The following RBBP8 variants were observed in gnomAD, a reference collection of about 807,000 sequenced individuals.
RBBP8 encodes the protein DNA endonuclease RBBP8.
In RBBP8, 88 loss-of-function variants were observed where a neutral mutation model predicts 108.3. That is an observed-to-expected ratio of 0.81 (90% CI 0.68 to 0.97). The LOEUF (loss-of-function observed/expected upper bound fraction) is 0.97. Ranked by LOEUF, RBBP8 falls within the 50% of genes least tolerant of loss-of-function variation. The probability of loss-of-function intolerance (pLI) is 0.00; values close to 1 mark genes in which losing one functional copy is unlikely to be tolerated. For missense variants in RBBP8, 1,023 were observed against 1,049.0 expected (o/e 0.98, Z 0.34); for synonymous variants, 332 against 348.2 (o/e 0.95, Z 0.52).
chr18:22,953,927 G>A (rs1214441047), intron 4 of RBBP8, among the ~76,000 whole-genome samples: 1 of 152,006 alleles, frequency 6.6e-6, no homozygotes, highest in African/African-American at 2.4e-5. Context: ...ATGATGGCAG[G>A]AAGAAGTGCC....
At chr18:22,996,176 T>A (rs1239164723) in intron 12 of RBBP8, among the ~76,000 whole-genome samples, 198 bp from the exon 13 acceptor site, 4 of 152,224 alleles carry the variant, frequency 2.6e-5, no homozygotes, top group Non-Finnish European at 5.9e-5. Flanking sequence ...TCTATTTAGA[T>A]CCTTTGCCCA....
intron 4 of RBBP8, among the ~76,000 whole-genome samples, chr18:22,966,944 C>CTT (rs1567965955): frequency 6.6e-6 from 1 of 152,106 alleles, no homozygotes; most frequent in Non-Finnish European, 1.5e-5. Context: ...AGGCTGGTCT[C>CTT]TTAACACCTG....
At chr18:22,937,744 G>A (rs1910700826) in intron 2 of RBBP8, among the ~76,000 whole-genome samples, 2 of 150,780 alleles carry the variant, frequency 1.3e-5, no homozygotes, top group Admixed American at 6.6e-5. Context: ...TCCCAAAGTG[G>A]TGGGATTACA....
At chr18:22,932,616 T>C (rs1910107861), upstream of RBBP8, among the ~76,000 whole-genome samples, 1 of 152,216 alleles carries the variant, frequency 6.6e-6, no homozygotes, top group Non-Finnish European at 1.5e-5. Flanking sequence ...AGTACTGGAC[T>C]GGTTTAAAAG....
chr18:23,015,321 T>TA (rs1447784955), intron 16 of RBBP8, among the ~76,000 whole-genome samples: 1 of 152,234 alleles, frequency 6.6e-6, no homozygotes, highest in African/African-American at 2.4e-5. Flanking sequence ...TATTTTTTTT[T>TA]AATGTTATAC....
chr18:23,025,843 T>G (rs2046442465), intron 18 of RBBP8, among the ~76,000 whole-genome samples: 1 of 152,218 alleles, frequency 6.6e-6, no homozygotes, highest in African/African-American at 2.4e-5. Context: ...GAACAAGTAA[T>G]TTAACTTCCT....
chr18:22,957,215 A>G (rs941339299), intron 4 of RBBP8, among the ~76,000 whole-genome samples: 3 of 150,954 alleles, frequency 2.0e-5, no homozygotes, highest in Non-Finnish European at 4.4e-5. Context: ...GACTAGGTTA[A>G]GTTGCTGTGT....
chr18:22,933,026 T>C (rs1204899987), upstream of RBBP8, among the ~76,000 whole-genome samples: 1 of 152,266 alleles, frequency 6.6e-6, no homozygotes, highest in African/African-American at 2.4e-5. Flanking sequence ...CAGGTCACTC[T>C]ACACATGCTT....
chr18:22,991,255 G>T (rs1170585206), intron 10 of RBBP8, among the ~76,000 whole-genome samples: 1 of 152,150 alleles, frequency 6.6e-6, no homozygotes, highest in Non-Finnish European at 1.5e-5. Flanking sequence ...ATCATTTTTA[G>T]CTACTTTCTG....
intron 3 of RBBP8, among the ~76,000 whole-genome samples, chr18:22,924,108 TTTAG>T (rs1182019009): frequency 6.6e-6 from 1 of 150,958 alleles, no homozygotes; most frequent in Non-Finnish European, 1.5e-5. Context: ...TAAAGCATTT[TTTAG>T]TTAGTTTGTT....
chr18:22,919,254 G>C lies in RBBP8; in HGVS notation c.-154+2228G>C, dbSNP rs149152631. ...CTGAGAGCTTGCTTAACTAAAAAGA[G>C]GTCAATTGACACATCTTCCAATGAA... On this transcript the variant is annotated intron_variant, in intron 3 of 4. Coordinates refer to the RBBP8 transcript ENST00000577588. Among the ~76,000 whole-genome samples, 127 of 152,186 alleles carry C rather than the reference G, an allele frequency of 8.3e-4. No homozygotes were observed. The Middle Eastern group carries it at 0.017, about 20-fold the overall frequency.
chr18:23,001,028 A>G (rs1004674686), intron 14 of RBBP8, among the ~76,000 whole-genome samples: 3 of 152,212 alleles, frequency 2.0e-5, no homozygotes, highest in East Asian at 3.9e-4. Context: ...ACTTCACTAC[A>G]TGCATTACAT....
At chr18:22,968,224 C>A (rs889607349) in intron 4 of RBBP8, among the ~76,000 whole-genome samples, 1 of 151,968 alleles carries the variant, frequency 6.6e-6, no homozygotes, top group African/African-American at 2.4e-5. Flanking sequence ...AAGCGAGCAC[C>A]ACCACAGCTG....
At chr18:22,977,374 T>C (rs2144632470) in intron 6 of RBBP8, among the ~76,000 whole-genome samples, 1 of 152,180 alleles carries the variant, frequency 6.6e-6, no homozygotes, top group South Asian at 2.1e-4. Flanking sequence ...ACTCTAACTC[T>C]TCTGAGCTAG....
chr18:22,946,501 G>A lies in RBBP8; in HGVS notation c.152+15G>A, dbSNP rs758250152. 6.2e-6 allele frequency: 10 copies of A among 1,611,990 alleles called. No homozygotes were observed. Among genetic ancestry groups the A allele is most frequent in the Admixed American group, 1.7e-5 (1 of 59,962 alleles). On this transcript the variant is annotated intron_variant, in intron 3 of 18. Coordinates refer to ENST00000327155, the MANE Select transcript of RBBP8 (RefSeq NM_002894.3). ...GAACGAATCTTGTAAGTATCAGTAT[G>A]TAATACTCATGTGTTATTTATAGAG...
intron 3 of RBBP8, 147 bp from the exon 4 acceptor site, chr18:22,949,471 C>A (rs1911841913): frequency 1.6e-6 from 1 of 640,008 alleles, no homozygotes; most frequent in Non-Finnish European, 2.7e-6. Context: ...ATAATTTGAA[C>A]TGTGATTTAC....
At chr18:23,020,869 A>C (rs1326000164) in intron 17 of RBBP8, among the ~76,000 whole-genome samples, 2 of 152,148 alleles carry the variant, frequency 1.3e-5, no homozygotes, top group African/African-American at 4.8e-5. Flanking sequence ...ATCTCATCTC[A>C]TCCCAAAGCC....
Position 23,022,663 on chromosome 18 carries a change from T to TAAAATAAAATAAAATAAAATAAATAA in RBBP8, c.2596+401_2596+402insATAAAATAAAATAAATAAAAAATAAA, listed in dbSNP as rs1555650172. ...AAATAAAATACAATATAAAATAAAA[T>TAAAATAAAATAAAATAAAATAAATAA]AAAATAAATAACTGTATATGCCCAA... On this transcript the variant is annotated intron_variant, in intron 18 of 18. Coordinates refer to ENST00000327155, the MANE Select transcript of RBBP8 (RefSeq NM_002894.3). Among the ~76,000 whole-genome samples the TAAAATAAAATAAAATAAAATAAATAA allele has an allele frequency of 8.0e-5, 8 of 99,812 alleles. 1 individual carries two copies. The highest frequency in any genetic ancestry group is 5.7e-4 in the Admixed American group (5 of 8,742). The allele number at this position is 99,812 out of a possible 152,430, so 65.5% of individuals were successfully genotyped here.
chr18:22,963,578 A>T (rs1448141631), intron 4 of RBBP8, among the ~76,000 whole-genome samples: 1 of 152,134 alleles, frequency 6.6e-6, no homozygotes, highest in Non-Finnish European at 1.5e-5. Flanking sequence ...GATCTGCTTC[A>T]ATTTGGACTC....
Sources: gnomAD v4.1 joint callset for allele counts (sites outside exome capture counted in the v4.1 genomes callset) on GRCh38, gnomAD v4.1.1 for gene constraint, MANE v1.5 for transcripts, NCBI Gene and HGNC (gene_info 2026-07-23, HGNC 2026-07-21) for gene names.